CDK14: variants seen among roughly 807,000 people sequenced by gnomAD.
CDK14 encodes cyclin dependent kinase 14.
CDK14 carries 34 observed loss-of-function variants against 60.7 expected under a neutral mutation model. The observed-to-expected ratio is 0.56, with a 90% confidence interval of 0.43 to 0.75. The LOEUF (loss-of-function observed/expected upper bound fraction) is 0.75. Ranked by LOEUF, CDK14 falls within the 30% of genes least tolerant of loss-of-function variation. CDK14 has a pLI of 0.00. For synonymous variants in CDK14, 197 were observed against 203.7 expected, an observed-to-expected ratio of 0.97 and a Z score of 0.28; for missense variants, 482 against 564.1, an observed-to-expected ratio of 0.85 and a Z score of 1.47.
chr7:91,209,432 C>T lies in CDK14; in HGVS notation c.*2296C>T, dbSNP rs532113961. ...GTCTCTTTCTTTCTCTTTCTCCCCC[C>T]AAACCCCTCTCACTCCCTCCCTCCC... On this transcript the variant is annotated 3_prime_UTR_variant, in exon 15 of 15. Transcript: ENST00000380050. The T allele has an allele frequency of 1.3e-5, 2 of 152,164 alleles. No homozygotes were observed. The highest frequency in any genetic ancestry group is 2.9e-5 in the Non-Finnish European group (2 of 68,002). 9.4% of individuals were successfully genotyped at this position (152,164 alleles called of 1,614,324 possible). A position where few individuals can be genotyped will look rare whatever the true frequency, so the allele number is the denominator to read the frequency against.
At chr7:90,785,590 C>A (rs1407065607) in intron 4 of CDK14, among the ~76,000 whole-genome samples, 2 of 151,912 alleles carry the variant, frequency 1.3e-5, no homozygotes, top group African/African-American at 4.8e-5. Flanking sequence ...TGGAGACGAT[C>A]CTGGCTAACA....
At chr7:90,855,198 G>A (rs1790782369) in intron 5 of CDK14, among the ~76,000 whole-genome samples, 1 of 152,216 alleles carries the variant, frequency 6.6e-6, no homozygotes, top group African/African-American at 2.4e-5. Flanking sequence ...TATGTGATAT[G>A]AGAGCAAATT....
intron 14 of CDK14, among the ~76,000 whole-genome samples, chr7:91,184,365 A>C (rs753687200): frequency 5.3e-5 from 8 of 151,710 alleles, no homozygotes; most frequent in Non-Finnish European, 8.8e-5. Flanking sequence ...TGGTATGATC[A>C]AGGTTTTATT....
At chr7:90,763,950 G>A (rs926608733) in intron 4 of CDK14, among the ~76,000 whole-genome samples, 4 of 151,992 alleles carry the variant, frequency 2.6e-5, no homozygotes, top group African/African-American at 9.7e-5. Context: ...TCTGAATACT[G>A]TCCCATTTGG....
At chr7:91,154,663 T>C (rs1800930387) in intron 14 of CDK14, among the ~76,000 whole-genome samples, 1 of 152,226 alleles carries the variant, frequency 6.6e-6, no homozygotes, top group Non-Finnish European at 1.5e-5. Flanking sequence ...AACTTAATCT[T>C]TGTGCCTTGG....
intron 12 of CDK14, among the ~76,000 whole-genome samples, chr7:91,104,761 G>C (rs1435907255): frequency 2.0e-5 from 3 of 152,130 alleles, no homozygotes; most frequent in Admixed American, 6.5e-5. Flanking sequence ...ACATTGTGTG[G>C]TGAAAAAATG....
intron 4 of CDK14, among the ~76,000 whole-genome samples, chr7:90,775,212 T>C (rs1804967239): frequency 6.6e-6 from 1 of 152,224 alleles, no homozygotes; most frequent in African/African-American, 2.4e-5. Flanking sequence ...ATCTGATTTA[T>C]CTGCTTTTCT....
In CDK14 at chr7:90,644,082, GAGAAC is replaced by G. The variant is rs1369622363; in HGVS notation, c.123+39834_123+39838del. On this transcript the variant is annotated intron_variant, in intron 2 of 14. Transcript: ENST00000380050. The stretch of plus-strand genomic sequence containing the variant: ...ATGTCCTTATGTTGAAGAGATAACA[GAGAAC>G]TCTCTCTCCCTCTACTCCGTGTGAG... 2.0e-5 allele frequency among the ~76,000 whole-genome samples: 3 copies of G among 152,308 alleles called. No individual in the cohort carries two copies. In the South Asian group the frequency reaches 6.2e-4, roughly 32 times the overall value.
intron 7 of CDK14, among the ~76,000 whole-genome samples, chr7:90,901,689 T>TACAC (rs1554370400): frequency 8.0e-5 from 12 of 150,124 alleles, no homozygotes; most frequent in South Asian, 6.3e-4. Flanking sequence ...TATATATATA[T>TACAC]ACACACACAC....
At chr7:90,755,594 G>A (rs1274602655) in intron 4 of CDK14, among the ~76,000 whole-genome samples, 2 of 152,142 alleles carry the variant, frequency 1.3e-5, no homozygotes, top group Admixed American at 1.3e-4. Context: ...ACCTGTACAT[G>A]TAGCCCCGTA....
chr7:90,909,610 A>T (rs1480906589), intron 7 of CDK14, among the ~76,000 whole-genome samples: 2 of 151,990 alleles, frequency 1.3e-5, no homozygotes, highest in African/African-American at 2.4e-5. Context: ...CTGCCTGCTC[A>T]TTGTGGGCAC....
chr7:91,055,084 TA>T (rs1797510891), intron 11 of CDK14, among the ~76,000 whole-genome samples: 1 of 152,132 alleles, frequency 6.6e-6, no homozygotes, highest in African/African-American at 2.4e-5. Flanking sequence ...GAAGGGTCTA[TA>T]AAAGCGAGTA....
intron 2 of CDK14, among the ~76,000 whole-genome samples, chr7:90,621,435 T>A (rs1270919419): frequency 1.3e-5 from 2 of 152,222 alleles, no homozygotes; most frequent in Admixed American, 1.3e-4. Flanking sequence ...CTCTTCCCCC[T>A]GCAAGACTGT....
chr7:90,701,865 C>A (rs1801794431), intron 2 of CDK14, among the ~76,000 whole-genome samples: 1 of 152,194 alleles, frequency 6.6e-6, no homozygotes, highest in South Asian at 2.1e-4. Context: ...CTATGCTACC[C>A]TCATCTCCTA....
At chr7:90,655,232 C>T (rs747826408) in intron 2 of CDK14, among the ~76,000 whole-genome samples, 23 of 152,094 alleles carry the variant, frequency 1.5e-4, no homozygotes, top group Non-Finnish European at 3.1e-4. Context: ...TCCATTTACC[C>T]ATTGATGTAA....
At chr7:90,709,749 T>C in intron 2 of CDK14, 3 of 1,426,882 alleles carry the variant, frequency 2.1e-6, no homozygotes, top group African/African-American at 1.5e-5. Context: ...TGAGATTAGC[T>C]TCTCTTAGGG....
intron 6 of CDK14, among the ~76,000 whole-genome samples, chr7:90,885,719 G>A (rs1311270544): frequency 6.6e-6 from 1 of 152,198 alleles, no homozygotes; most frequent in South Asian, 2.1e-4. Context: ...TATACACCAT[G>A]GAATGCTATG....
chr7:91,174,683 G>C (rs1027941659), intron 14 of CDK14, among the ~76,000 whole-genome samples: 1 of 131,790 alleles, frequency 7.6e-6, no homozygotes, highest in East Asian at 2.1e-4. Context: ...GAGCCGATGC[G>C]ATCAACTGGA....
At chr7:91,118,856 G>C (rs809133) in intron 14 of CDK14, among the ~76,000 whole-genome samples, 121,833 of 151,980 alleles carry the variant, frequency 0.8, 49,247 homozygotes, top group Non-Finnish European at 0.85. Context: ...CTCTACTATT[G>C]TGCAGATAGG....
Sources: gnomAD v4.1 joint callset for allele counts (sites outside exome capture counted in the v4.1 genomes callset) on GRCh38, gnomAD v4.1.1 for gene constraint, MANE v1.5 for transcripts, NCBI Gene and HGNC (gene_info 2026-07-23, HGNC 2026-07-21) for gene names.